Variants in SYNE1 observed in about 807,000 individuals in gnomAD.
The protein encoded by SYNE1 is nesprin-1.
A neutral mutation model predicts 1,111.0 loss-of-function variants in SYNE1; 616 were observed. That is an observed-to-expected ratio of 0.55 (90% CI 0.52 to 0.59). SYNE1 has a LOEUF of 0.59. SYNE1 is among the 20% of genes least tolerant of loss of function. SYNE1 has a pLI of 0.00. For missense variants in SYNE1, 10,006 were observed against 10,417.0 expected, an observed-to-expected ratio of 0.96 and a Z score of 1.72; for synonymous variants, 3,855 against 3,825.8, an observed-to-expected ratio of 1.01 and a Z score of -0.28.
chr6:152,297,798 TGTGTGTGTGTGTGTGTGTGTGTGTGCGC>T (rs2094953515), intron 93 of SYNE1, among the ~76,000 whole-genome samples: 1 of 95,718 alleles, frequency 1.0e-5, no homozygotes, highest in African/African-American at 4.3e-5. Context: ...TGTGTGTGTG[TGTGTGTGTGTGTGTGTGTGTGTGTGCGC>T]GCGCACGTGG....
At chr6:152,625,617 C>G (rs1243767324) in intron 3 of SYNE1, among the ~76,000 whole-genome samples, 1 of 151,964 alleles carries the variant, frequency 6.6e-6, no homozygotes, top group African/African-American at 2.4e-5. Context: ...TGTCAGGTAC[C>G]CTTATGCCAC....
At chr6:152,538,102 GTGTTT>G (rs1489182484) in intron 4 of SYNE1, among the ~76,000 whole-genome samples, 4 of 152,118 alleles carry the variant, frequency 2.6e-5, no homozygotes, top group African/African-American at 7.2e-5. Context: ...ACTTTGAAGG[GTGTTT>G]TAATAGTGCA....
rs1356565958 is a variant in SYNE1, at chr6:152,353,883, T to G, written c.10927-139A>C. On this transcript the variant is annotated intron_variant, in intron 67 of 145. Transcript: ENST00000367255. Reference sequence around the variant, plus strand: ...GAGATTTAATTTTGAAAATGCCATATGTTATCTTCATAAATATTATATTAC... The same window carrying G: ...GAGATTTAATTTTGAAAATGCCATAGGTTATCTTCATAAATATTATATTAC... 2.9e-6 allele frequency: 3 copies of G among 1,040,282 alleles called. No individual in the cohort carries two copies. The East Asian group carries it at 7.5e-5, about 26-fold the overall frequency. 64.4% of individuals were successfully genotyped at this position (1,040,282 alleles called of 1,614,324 possible).
intron 133 of SYNE1, among the ~76,000 whole-genome samples, chr6:152,153,059 T>C (rs2060730662): frequency 6.6e-6 from 1 of 152,348 alleles, no homozygotes; most frequent in South Asian, 2.1e-4. Context: ...ATGAAAACTA[T>C]AATTAATAAA....
rs140586652 is a variant in SYNE1, at chr6:152,429,911, C to A, written c.4788+201G>T. Among the ~76,000 whole-genome samples the A allele has an allele frequency of 3.9e-5, 6 of 152,268 alleles. No individual in the cohort carries two copies. In the East Asian group the frequency reaches 1.2e-3, roughly 29 times the overall value. On this transcript the variant is annotated intron_variant, in intron 36 of 145. Transcript: ENST00000367255. ...TTGAAATGAATACTCCTTTAATATA[C>A]ATCTTTAATGAAAATTTATTCACAT...
chr6:152,383,711 G>C (rs1400872674), intron 55 of SYNE1, among the ~76,000 whole-genome samples: 1 of 152,036 alleles, frequency 6.6e-6, no homozygotes, highest in Non-Finnish European at 1.5e-5. Flanking sequence ...GGTTTTATCT[G>C]TTTTAGTGGC....
rs770687037 is a variant in SYNE1, at chr6:152,330,276, T to A, written c.14409A>T (p.Lys4803Asn). Residue 4803 changes from lysine to asparagine, a missense_variant, in exon 78 of 146, where the codon AAA becomes AAT. Physicochemically the swap from Lys to Asn is moderately conservative, Grantham distance 94 (BLOSUM62 0). Coordinates refer to ENST00000367255, the MANE Select transcript of SYNE1 (RefSeq NM_182961.4). ...CTGCAGGCAGCGTTTCCTCATTCACTTTGGACTGCTCCTCTTTTACAGACT... is the reference window on the plus strand; with the variant it reads ...CTGCAGGCAGCGTTTCCTCATTCACATTGGACTGCTCCTCTTTTACAGACT... Reference protein sequence around the residue: ...QLKSVKEEQSKVNEETLPAEE... With the variant: ...QLKSVKEEQSNVNEETLPAEE... 6.2e-7 allele frequency: 1 copy of A among 1,614,074 alleles called. No individual in the cohort carries two copies. Among genetic ancestry groups the A allele is most frequent in the African/African-American group, 1.3e-5 (1 of 74,918 alleles).
chr6:152,417,163 T>A, intron 40 of SYNE1, 148 bp from the exon 41 acceptor site: 1 of 1,220,426 alleles, frequency 8.2e-7, no homozygotes, highest in Non-Finnish European at 1.1e-6. Flanking sequence ...CTTAGAAAAT[T>A]CACAAAATTT....
intron 53 of SYNE1, 31 bp from the exon 54 acceptor site, chr6:152,387,412 GAATTA>G: frequency 3.1e-6 from 5 of 1,605,746 alleles, no homozygotes; most frequent in Non-Finnish European, 4.3e-6. Flanking sequence ...TAACAAAAAT[GAATTA>G]TTTTGACATC....
intron 6 of SYNE1, among the ~76,000 whole-genome samples, chr6:152,517,777 A>T (rs1045064473): frequency 3.9e-5 from 6 of 152,204 alleles, no homozygotes; most frequent in Non-Finnish European, 7.4e-5. Context: ...GGATATATGA[A>T]AACACATCTT....
chr6:152,409,301 A>C, intron 43 of SYNE1, 75 bp from the exon 44 acceptor site: 1 of 1,462,224 alleles, frequency 6.8e-7, no homozygotes, highest in Non-Finnish European at 9.5e-7. Context: ...TGTCTCTAAG[A>C]AATTTAATTC....
chr6:152,633,590 A>G (rs2011836), intron 2 of SYNE1, among the ~76,000 whole-genome samples: 108,476 of 141,444 alleles, frequency 0.77, 42,231 homozygotes, highest in African/African-American at 0.9. Flanking sequence ...GGACACAGAG[A>G]GAATTTGGAC....
chr6:152,227,063 G>C (rs545374803), intron 115 of SYNE1, among the ~76,000 whole-genome samples: 1 of 152,100 alleles, frequency 6.6e-6, no homozygotes, highest in South Asian at 2.1e-4. Context: ...ATTGAAATTG[G>C]ATAGTGCTGC....
At chr6:152,150,021 T>C (rs1187763506) in intron 135 of SYNE1, among the ~76,000 whole-genome samples, 1 of 152,208 alleles carries the variant, frequency 6.6e-6, no homozygotes, top group Non-Finnish European at 1.5e-5. Context: ...TGGCAGTCAA[T>C]ATACTGTCAC....
At chr6:152,540,529 G>GTGAC (rs539206593) in intron 3 of SYNE1, among the ~76,000 whole-genome samples, 401 of 152,348 alleles carry the variant, frequency 2.6e-3, no homozygotes, top group Non-Finnish European at 4.5e-3. Flanking sequence ...TGAGAATGTG[G>GTGAC]TGACTACACA....
intron 58 of SYNE1, 29 bp downstream of exon 58, chr6:152,376,352 C>T: frequency 6.2e-7 from 1 of 1,611,488 alleles, no homozygotes; most frequent in East Asian, 2.2e-5. Flanking sequence ...ATCAGCACTG[C>T]TACTAGAATT....
intron 98 of SYNE1, among the ~76,000 whole-genome samples, chr6:152,270,928 G>GA (rs1381980613): frequency 1.3e-5 from 2 of 152,206 alleles, no homozygotes; most frequent in Non-Finnish European, 2.9e-5. Flanking sequence ...ACCCTAAGGT[G>GA]AAAGAAATTT....
At chr6:152,269,421 T>TAA (rs11432378) in intron 98 of SYNE1, 135 bp from the exon 99 acceptor site, 1,843 of 1,210,912 alleles carry the variant, frequency 1.5e-3, no homozygotes, top group Admixed American at 1.8e-3. Flanking sequence ...CCACATTTTT[T>TAA]AAAAAAAACA....
Position 152,321,877 on chromosome 6 carries a change from C to T in SYNE1, c.15927G>A (p.Glu5309=). The T allele has an allele frequency of 2.5e-6, 4 of 1,614,046 alleles. No homozygotes were observed. Among genetic ancestry groups the T allele is most frequent in the Non-Finnish European group, 3.4e-6 (4 of 1,179,966 alleles). Residue 5309 remains glutamate (E), a synonymous_variant, in exon 83 of 146, where the codon GAG becomes GAA. Transcript: ENST00000367255. ...CCAACTTTCCATTAGTCTTCACTTT[C>T]TCCTGCATGCTTCAGAAACATTACA... ...AMQDRCLNMQ[E]KVKTNGKLVK...
Sources: allele counts gnomAD v4.1 joint callset (sites outside exome capture counted in the v4.1 genomes callset), GRCh38; gene constraint gnomAD v4.1.1; transcripts MANE v1.5; gene names NCBI Gene and HGNC (gene_info 2026-07-23, HGNC 2026-07-21).